The following SORCS1 variants were observed in gnomAD, a reference collection of about 807,000 sequenced individuals.
SORCS1 encodes VPS10 domain-containing receptor SorCS1.
Under a neutral mutation model 146.1 loss-of-function variants are expected in SORCS1, and 60 were observed. The ratio of observed to expected loss-of-function variants is 0.41; its 90% CI spans 0.33 to 0.51. SORCS1 has a LOEUF of 0.51. Ranked by LOEUF, SORCS1 falls within the 20% of genes least tolerant of loss-of-function variation. The pLI, the probability that SORCS1 is intolerant of heterozygous loss-of-function variation, is 0.21. For synonymous variants in SORCS1, 637 were observed against 584.0 expected, an observed-to-expected ratio of 1.09 and a Z score of -1.31; for missense variants, 1,352 against 1,487.6, an observed-to-expected ratio of 0.91 and a Z score of 1.50.
intron 3 of SORCS1, among the ~76,000 whole-genome samples, chr10:106,786,872 A>C (rs1946078472): frequency 6.6e-6 from 1 of 152,170 alleles, no homozygotes. Context: ...CAGAATTTTC[A>C]TTGGGTCTTA....
intron 3 of SORCS1, among the ~76,000 whole-genome samples, chr10:106,801,979 G>A (rs558679284): frequency 3.3e-5 from 5 of 152,216 alleles, no homozygotes; most frequent in South Asian, 2.1e-4. Context: ...TATGCTATGC[G>A]GCTCCATCTC....
At chr10:107,069,375 T>C (rs559738026) in intron 1 of SORCS1, among the ~76,000 whole-genome samples, 1 of 152,286 alleles carries the variant, frequency 6.6e-6, no homozygotes, top group East Asian at 1.9e-4. Context: ...TTTCCTTTTT[T>C]TTCTTTTTTC....
chr10:106,945,102 G>A, intron 2 of SORCS1, among the ~76,000 whole-genome samples: 1 of 151,634 alleles, frequency 6.6e-6, no homozygotes, highest in East Asian at 1.9e-4. Flanking sequence ...TGGCCAGGCT[G>A]GTCTTGAACT....
At chr10:106,878,619 A>AGT (rs890424506) in intron 2 of SORCS1, among the ~76,000 whole-genome samples, 1,988 of 34,720 alleles carry the variant, frequency 0.057, 41 homozygotes, top group Non-Finnish European at 0.076. Context: ...TAAACTACCT[A>AGT]GTATATATAT....
intron 2 of SORCS1, among the ~76,000 whole-genome samples, chr10:106,853,712 G>A (rs1157050463): frequency 1.3e-5 from 2 of 151,096 alleles, no homozygotes; most frequent in African/African-American, 2.4e-5. Context: ...TTCTTTGATC[G>A]ATGTGATATT....
chr10:106,828,050 C>A (rs1405464205), intron 3 of SORCS1, among the ~76,000 whole-genome samples: 1 of 152,170 alleles, frequency 6.6e-6, no homozygotes, highest in Non-Finnish European at 1.5e-5. Context: ...CTGTGCTAAG[C>A]ACCTGAAATG....
chr10:107,010,934 A>G (rs1282276703), intron 1 of SORCS1, among the ~76,000 whole-genome samples: 1 of 152,164 alleles, frequency 6.6e-6, no homozygotes, highest in East Asian at 1.9e-4. Context: ...ATTTTTTCAC[A>G]TGCTCCACCA....
At chr10:106,635,666 C>T (rs1045016797) in intron 18 of SORCS1, among the ~76,000 whole-genome samples, 1 of 152,020 alleles carries the variant, frequency 6.6e-6, no homozygotes, top group Non-Finnish European at 1.5e-5. Flanking sequence ...AACACTATAC[C>T]TCTACTATTA....
intron 2 of SORCS1, among the ~76,000 whole-genome samples, chr10:106,873,118 G>A (rs1950472713): frequency 6.6e-6 from 1 of 152,108 alleles, no homozygotes. Context: ...AGGTTGCAAT[G>A]AGCCGAGATT....
At chr10:107,076,424 T>C (rs910507873) in intron 1 of SORCS1, among the ~76,000 whole-genome samples, 7 of 152,164 alleles carry the variant, frequency 4.6e-5, no homozygotes, top group Non-Finnish European at 1.0e-4. Flanking sequence ...CACTGGTATT[T>C]CTCATAGTAA....
intron 1 of SORCS1, among the ~76,000 whole-genome samples, chr10:107,137,886 T>C (rs1967464890): frequency 6.7e-6 from 1 of 150,218 alleles, no homozygotes; most frequent in Admixed American, 6.6e-5. Context: ...AAAAATTCAA[T>C]ACTGTTAATT....
intron 4 of SORCS1, among the ~76,000 whole-genome samples, chr10:106,772,751 C>T (rs1257212190): frequency 2.6e-5 from 4 of 152,088 alleles, no homozygotes; most frequent in Admixed American, 6.5e-5. Context: ...CAGAAAGGAA[C>T]ACCTGTTCAA....
intron 2 of SORCS1, among the ~76,000 whole-genome samples, chr10:106,916,558 A>C (rs1024108946): frequency 7.1e-6 from 1 of 140,492 alleles, no homozygotes; most frequent in African/African-American, 2.7e-5. Context: ...GATGATATAT[A>C]ATTGTGTGCA....
intron 10 of SORCS1, among the ~76,000 whole-genome samples, chr10:106,686,858 C>G (rs1349057188): frequency 6.6e-6 from 1 of 152,086 alleles, no homozygotes; most frequent in African/African-American, 2.4e-5. Context: ...AAGTGACTGT[C>G]CAGACTTTAT....
chr10:107,127,295 C>T (rs539851827), intron 1 of SORCS1, among the ~76,000 whole-genome samples: 1 of 152,090 alleles, frequency 6.6e-6, no homozygotes, highest in African/African-American at 2.4e-5. Flanking sequence ...TGCACTTCTG[C>T]TTGAATATAG....
chr10:106,821,929 T>TAA (rs879535333), intron 3 of SORCS1, among the ~76,000 whole-genome samples: 56 of 99,944 alleles, frequency 5.6e-4, no homozygotes, highest in African/African-American at 1.0e-3. Context: ...CTCAAAAAAA[T>TAA]AAAAAAAAAA....
chr10:106,931,011 C>T (rs1302719686), intron 2 of SORCS1, among the ~76,000 whole-genome samples: 4 of 152,186 alleles, frequency 2.6e-5, no homozygotes, highest in Non-Finnish European at 5.9e-5. Context: ...TTATAATCCC[C>T]ACCAATTACC....
chr10:106,921,229 G>A (rs1387086567), intron 2 of SORCS1, among the ~76,000 whole-genome samples: 1 of 152,106 alleles, frequency 6.6e-6, no homozygotes, highest in Non-Finnish European at 1.5e-5. Flanking sequence ...CAAAGTGAGG[G>A]GAAGACTCCT....
intron 3 of SORCS1, among the ~76,000 whole-genome samples, chr10:106,812,145 C>T (rs975885339): frequency 4.7e-4 from 71 of 152,144 alleles, no homozygotes; most frequent in African/African-American, 1.7e-3. Flanking sequence ...GGACTACAGG[C>T]GCCCGCCACT....
Sources: gnomAD v4.1 joint callset for allele counts (sites outside exome capture counted in the v4.1 genomes callset) on GRCh38, gnomAD v4.1.1 for gene constraint, MANE v1.5 for transcripts, NCBI Gene and HGNC (gene_info 2026-07-23, HGNC 2026-07-21) for gene names.